The following LRRIQ1 variants were observed in gnomAD, a reference collection of about 807,000 sequenced individuals.
LRRIQ1 encodes leucine rich repeats and IQ motif containing 1, also known as leucine-rich repeat- and IQ domain-containing protein 1.
A neutral mutation model predicts 211.9 loss-of-function variants in LRRIQ1; 210 were observed. The observed-to-expected ratio is 0.99, with a 90% CI of 0.89 to 1.11. The LOEUF is 1.11. Ranked by LOEUF, LRRIQ1 falls within the 50% of genes most tolerant of loss-of-function variation. LRRIQ1 has a pLI of 0.00. For synonymous variants in LRRIQ1, 699 were observed against 650.1 expected, an observed-to-expected ratio of 1.08 and a Z score of -1.14; for missense variants, 2,136 against 1,939.5, an observed-to-expected ratio of 1.10 and a Z score of -1.90.
chr12:85,186,608 C>T (rs900726239), intron 24 of LRRIQ1, among the ~76,000 whole-genome samples: 4 of 151,896 alleles, frequency 2.6e-5, no homozygotes, highest in Admixed American at 1.3e-4. Flanking sequence ...TACATCTCTC[C>T]GAGTACTTTA....
chr12:85,145,978 C>T (rs1328562763), intron 19 of LRRIQ1, among the ~76,000 whole-genome samples: 1 of 151,712 alleles, frequency 6.6e-6, no homozygotes, highest in Non-Finnish European at 1.5e-5. Flanking sequence ...CCAGTGGCCA[C>T]CCTGAATAAT....
chr12:85,192,798 T>C (rs1325796596), intron 24 of LRRIQ1, among the ~76,000 whole-genome samples: 2 of 105,562 alleles, frequency 1.9e-5, no homozygotes, highest in African/African-American at 3.8e-5. Flanking sequence ...TATATAGTTA[T>C]ATACTATAAT....
chr12:85,245,804 AGTC>A (rs1895690401), downstream of LRRIQ1, among the ~76,000 whole-genome samples: 2 of 150,776 alleles, frequency 1.3e-5, no homozygotes, highest in South Asian at 2.1e-4. Flanking sequence ...ATCGTAATTA[AGTC>A]TTTATACTTA....
At chr12:85,212,694 CATGT>C (rs1041649532) in intron 24 of LRRIQ1, among the ~76,000 whole-genome samples, 15 of 149,498 alleles carry the variant, frequency 1.0e-4, no homozygotes, top group Non-Finnish European at 1.9e-4. Flanking sequence ...CGTTAAATTC[CATGT>C]ATGTATATGT....
chr12:85,153,902 A>T, intron 22 of LRRIQ1, 110 bp from the exon 23 acceptor site: 1 of 934,238 alleles, frequency 1.1e-6, no homozygotes, highest in Non-Finnish European at 1.6e-6. Context: ...ATGGGAATTC[A>T]CATTTATTTT....
chr12:85,042,183 A>T (rs933029022), intron 3 of LRRIQ1, among the ~76,000 whole-genome samples: 1 of 151,818 alleles, frequency 6.6e-6, no homozygotes, highest in Non-Finnish European at 1.5e-5. Flanking sequence ...GAACTGAGAT[A>T]CAACTACAGT....
chr12:85,268,975 C>T (rs575154806), downstream of LRRIQ1, among the ~76,000 whole-genome samples: 1 of 151,826 alleles, frequency 6.6e-6, no homozygotes, highest in African/African-American at 2.4e-5. Flanking sequence ...TCATAATGGG[C>T]AGGGAGCAGG....
At chr12:85,261,005 C>T (rs957868538) in intron 1 of LRRIQ1, among the ~76,000 whole-genome samples, 4 of 152,142 alleles carry the variant, frequency 2.6e-5, no homozygotes, top group African/African-American at 9.7e-5. Flanking sequence ...AGTAGCTCAG[C>T]GTAGAATGAA....
chr12:85,044,599 A>G (rs956417518), intron 3 of LRRIQ1, 119 bp from the exon 4 acceptor site: 1 of 431,540 alleles, frequency 2.3e-6, no homozygotes. Context: ...AGTTACTCTT[A>G]CTGATCAACA....
intron 24 of LRRIQ1, among the ~76,000 whole-genome samples, chr12:85,194,636 A>G (rs1312978511): frequency 5.9e-5 from 9 of 152,080 alleles, no homozygotes; most frequent in African/African-American, 1.2e-4. Context: ...GAGAACAAAG[A>G]CACAACATAC....
At chr12:85,055,458 A>G in intron 7 of LRRIQ1, 89 bp from the exon 8 acceptor site, 2 of 1,062,630 alleles carry the variant, frequency 1.9e-6, no homozygotes, top group Non-Finnish European at 2.5e-6. Flanking sequence ...CAGTTTTAGT[A>G]TTTGTTTTCA....
Position 85,160,695 on chromosome 12 carries a change from A to C in LRRIQ1, c.4803A>C (p.Arg1601Ser). The C allele has an allele frequency of 6.3e-7, 1 of 1,596,734 alleles. No homozygotes were observed. The highest frequency in any genetic ancestry group is 8.6e-7 in the Non-Finnish European group (1 of 1,167,670). The change falls in exon 24 of 27, where the codon AGA becomes AGC. Residue 1601 changes from arginine (R) to serine (S), a missense_variant. Physicochemically the swap from Arg to Ser is moderately radical, Grantham distance 110. Transcript: ENST00000393217. ...AATCACCAAAGATGGTACAGCCCAG[A>C]AGAGATGGTTACTTTGAAGGTATGG... ...LPKSPKMVQP[R>S]RDGYFEGIEE...
intron 15 of LRRIQ1, among the ~76,000 whole-genome samples, chr12:85,116,411 T>C (rs1485526673): frequency 6.6e-6 from 1 of 152,192 alleles, no homozygotes; most frequent in Non-Finnish European, 1.5e-5. Flanking sequence ...CCCAAAGTGC[T>C]GGGATTACAG....
At chr12:85,206,319 T>TG (rs1362341243) in intron 24 of LRRIQ1, among the ~76,000 whole-genome samples, 1 of 152,156 alleles carries the variant, frequency 6.6e-6, no homozygotes, top group African/African-American at 2.4e-5. Flanking sequence ...CAAGTGGTAG[T>TG]GGCATAAGGC....
At chr12:85,194,471 A>C (rs1387805807) in intron 24 of LRRIQ1, among the ~76,000 whole-genome samples, 1 of 149,776 alleles carries the variant, frequency 6.7e-6, no homozygotes, top group Admixed American at 6.7e-5. Flanking sequence ...ATAACAAACT[A>C]TCTCTCAGAC....
intron 11 of LRRIQ1, among the ~76,000 whole-genome samples, chr12:85,077,183 T>C (rs1883752588): frequency 6.6e-6 from 1 of 152,314 alleles, no homozygotes; most frequent in Admixed American, 6.5e-5. Flanking sequence ...ATTTTGCTGT[T>C]CCTTACAGAA....
intron 19 of LRRIQ1, among the ~76,000 whole-genome samples, chr12:85,141,257 T>C (rs918117231): frequency 6.6e-6 from 1 of 151,546 alleles, no homozygotes; most frequent in Non-Finnish European, 1.5e-5. Context: ...ATTAAAAATC[T>C]CATTTACTTT....
chr12:85,146,813 G>A (rs1379103090), intron 19 of LRRIQ1, among the ~76,000 whole-genome samples: 1 of 151,492 alleles, frequency 6.6e-6, no homozygotes, highest in African/African-American at 2.4e-5. Flanking sequence ...TCTTCTTTTG[G>A]CCAGGCTGTA....
At position 85,047,413 on chromosome 12, in the gene LRRIQ1, A is replaced by G; in HGVS notation, c.621A>G (p.Arg207=). Residue 207 remains arginine, a synonymous_variant, in exon 6 of 27, where the codon CGA becomes CGG. Transcript: ENST00000393217. The part of the protein sequence containing the change: ...EKQFQEEEEK[R]HCWMKQFKVE... ...AATTTCAAGAAGAAGAAGAAAAGCG[A>G]CATTGCTGGATGAAACAATTTAAAG... 1 of 1,613,290 alleles carries G rather than the reference A, an allele frequency of 6.2e-7. No individual in the cohort carries two copies. Among genetic ancestry groups the G allele is most frequent in the East Asian group, 2.2e-5 (1 of 44,744 alleles).
Sources: allele counts gnomAD v4.1 joint callset (sites outside exome capture counted in the v4.1 genomes callset), GRCh38; gene constraint gnomAD v4.1.1; transcripts MANE v1.5; gene names NCBI Gene and HGNC (gene_info 2026-07-23, HGNC 2026-07-21).